The following ADGRG3 variants were observed in gnomAD, a reference collection of about 807,000 sequenced individuals.
The protein encoded by ADGRG3 is G protein-coupled receptor 97.
A neutral mutation model predicts 54.3 loss-of-function variants in ADGRG3; 39 were observed. The ratio of observed to expected loss-of-function variants is 0.72; its 90% confidence interval spans 0.56 to 0.94. ADGRG3 has a LOEUF of 0.94. Ranked by LOEUF, ADGRG3 falls within the 40% of genes least tolerant of loss-of-function variation. ADGRG3 has a pLI of 0.00. For missense variants in ADGRG3, 654 were observed against 694.6 expected (o/e 0.94, Z 0.66); for synonymous variants, 312 against 290.0 (o/e 1.08, Z -0.77).
intron 4 of ADGRG3, 121 bp from the exon 5 acceptor site, chr16:57,679,056 G>A: frequency 8.6e-7 from 1 of 1,166,572 alleles, no homozygotes; most frequent in Admixed American, 2.2e-5. Flanking sequence ...TGGTCCCCTG[G>A]TCTCGAACTC....
upstream of ADGRG3, among the ~76,000 whole-genome samples, chr16:57,666,173 C>G (rs2048053420): frequency 6.6e-6 from 1 of 152,156 alleles, no homozygotes. Context: ...AGCCCCATGG[C>G]TGGGCTAGGT....
chr16:57,674,499 C>T, intron 2 of ADGRG3: 1 of 429,116 alleles, frequency 2.3e-6, no homozygotes, highest in Non-Finnish European at 4.7e-6. Flanking sequence ...TGAGTTAAAG[C>T]CCTGCGCTCT....
At chr16:57,683,166 G>A (rs772812500) in intron 8 of ADGRG3, among the ~76,000 whole-genome samples, 3 of 152,216 alleles carry the variant, frequency 2.0e-5, no homozygotes, top group Non-Finnish European at 2.9e-5. Context: ...TGACCTCTGC[G>A]AAATGAGATC....
intron 10 of ADGRG3, 105 bp from the exon 11 acceptor site, chr16:57,685,538 T>C: frequency 9.0e-7 from 1 of 1,112,390 alleles, no homozygotes; most frequent in South Asian, 1.4e-5. Flanking sequence ...TGGGTGGAAA[T>C]GGGAGAGGCA....
At chr16:57,679,144 G>A in intron 4 of ADGRG3, 33 bp from the exon 5 acceptor site, 3 of 1,611,796 alleles carry the variant, frequency 1.9e-6, no homozygotes, top group Non-Finnish European at 1.7e-6. Context: ...GGCCCCTTCT[G>A]CAGCCTGGCC....
Position 57,682,667 on chromosome 16 carries a change from C to G in ADGRG3, c.882-1265C>G, listed in dbSNP as rs564495973. ...CCCAGATGCTCCTCCAGGAAGCCCC[C>G]GGCTCCCCTCCCTCGGCTGAGAGCC... On this transcript the variant is annotated intron_variant, in intron 8 of 11. Transcript: ENST00000333493. 3.0e-3 allele frequency: 2,950 copies of G among 981,306 alleles called. 6 individuals carry two copies. Among genetic ancestry groups the G allele is most frequent in the Non-Finnish European group, 3.4e-3 (2,841 of 826,184 alleles). 60.8% of individuals were successfully genotyped at this position (981,306 alleles called of 1,614,324 possible).
rs1221727173 is a variant in ADGRG3, at chr16:57,688,391, C to T, written c.1580C>T (p.Pro527Leu). 1.9e-6 allele frequency: 3 copies of T among 1,613,486 alleles called. No homozygotes were observed. The highest frequency in any genetic ancestry group is 2.5e-6 in the Non-Finnish European group (3 of 1,179,554). ...TGCTGGTTCACCATCCTTTACCTCC[C>T]AAGTCAGAGCACCACAGTCTCCTCC... is the stretch of plus-strand genomic sequence containing the variant. Reference protein sequence around the residue: ...ICCWFTILYLPSQSTTVSSST... With the variant: ...ICCWFTILYLLSQSTTVSSST... Residue 527 changes from proline (P) to leucine (L), a missense_variant, in exon 12 of 12, where the codon CCA (proline) becomes CTA (leucine). Transcript: ENST00000333493.
At position 57,680,565 on chromosome 16, in the gene ADGRG3, G is replaced by A. The variant is rs753549456; in HGVS notation, c.829G>A (p.Gly277Arg). Residue 277 changes from glycine (G) to arginine (R), a missense_variant, in exon 8 of 12, where the codon GGG becomes AGG. Transcript: ENST00000333493. ...ILTRISQAGC[G>R]VSMIFLAFTI... ...CACACGCATCTCCCAGGCGGGCTGT[G>A]GGGTCTCCATGATCTTCCTGGCCTT... 2 of 1,613,972 alleles carry A rather than the reference G, an allele frequency of 1.2e-6. No individual in the cohort carries two copies. Among genetic ancestry groups the A allele is most frequent in the East Asian group, 2.2e-5 (1 of 44,836 alleles).
intron 8 of ADGRG3, among the ~76,000 whole-genome samples, chr16:57,683,541 A>G (rs2048414383): frequency 6.6e-6 from 1 of 151,900 alleles, no homozygotes; most frequent in South Asian, 2.1e-4. Context: ...TCTGCTTTTC[A>G]TCTCACTTCT....
intron 9 of ADGRG3, 57 bp from the exon 10 acceptor site, chr16:57,684,333 G>A (rs892505555): frequency 3.7e-5 from 58 of 1,567,216 alleles, no homozygotes; most frequent in Middle Eastern, 1.7e-4. Flanking sequence ...GAGGGGACGT[G>A]GAGGAGGAAG....
chr16:57,678,202 G>A lies in ADGRG3; in HGVS notation c.378G>A (p.Lys126=), dbSNP rs2048298014. ...GGCAGGTGATGAAGGACGAGGACAA[G>A]CCCCCTGACAGAGTGCGACTTCCCA... is the stretch of plus-strand genomic sequence containing the variant. ...VPRQVMKDED[K]PPDRVRLPKS... Residue 126 remains lysine (K), a synonymous_variant, in exon 4 of 12, where the codon AAG becomes AAA. Transcript: ENST00000333493. 6.2e-7 allele frequency: 1 copy of A among 1,614,064 alleles called. No individual in the cohort carries two copies. Among genetic ancestry groups the A allele is most frequent in the Non-Finnish European group, 8.5e-7 (1 of 1,180,008 alleles).
intron 5 of ADGRG3, 74 bp from the exon 6 acceptor site, chr16:57,679,742 C>T: frequency 8.6e-7 from 1 of 1,164,252 alleles, no homozygotes; most frequent in South Asian, 1.2e-5. Context: ...GGGGAGCACA[C>T]CGTCCTCCCG....
Position 57,668,342 on chromosome 16 carries a change from C to A in ADGRG3, c.-6C>A. On this transcript the variant is annotated 5_prime_UTR_variant, in exon 1 of 12. Transcript: ENST00000333493. Reference sequence around the variant, plus strand: ...GAGCTCCTGGCGTGGGCAAGGCTGGCCAAGGATGGCGACGCCCAGGGGCCT... The same window carrying A: ...GAGCTCCTGGCGTGGGCAAGGCTGGACAAGGATGGCGACGCCCAGGGGCCT... 1 of 1,567,358 alleles carries A rather than the reference C, an allele frequency of 6.4e-7. No individual in the cohort carries two copies.
chr16:57,681,935 C>T (rs1172633021), intron 8 of ADGRG3, among the ~76,000 whole-genome samples: 4 of 152,150 alleles, frequency 2.6e-5, no homozygotes, highest in Non-Finnish European at 4.4e-5. Flanking sequence ...AGTTTTATCC[C>T]GTGTATACAC....
intron 1 of ADGRG3, among the ~76,000 whole-genome samples, chr16:57,672,317 G>T (rs755471097): frequency 1.3e-4 from 20 of 152,180 alleles, no homozygotes; most frequent in Non-Finnish European, 2.4e-4. Context: ...CTTGAGGACA[G>T]GAGTTCGAGA....
Position 57,678,244 on chromosome 16 carries a change from C to A in ADGRG3, c.420C>A (p.Ser140=). 1 of 1,614,154 alleles carries A rather than the reference C, an allele frequency of 6.2e-7. No homozygotes were observed. Among genetic ancestry groups the A allele is most frequent in the Non-Finnish European group, 8.5e-7 (1 of 1,179,996 alleles). Residue 140 remains serine (S), a synonymous_variant, in exon 4 of 12, where the codon TCC becomes TCA. Coordinates refer to ENST00000333493, the MANE Select transcript of ADGRG3 (RefSeq NM_170776.5). ...GACTTCCCAAGAGCCTTTTTCGATC[C>A]CTGCCAGGCAACAGGTCTGTGGTCC... is the stretch of plus-strand genomic sequence containing the variant. ...RVRLPKSLFR[S]LPGNRSVVRL...
chr16:57,674,151 G>A (rs1275032075), intron 2 of ADGRG3, among the ~76,000 whole-genome samples: 2 of 152,130 alleles, frequency 1.3e-5, no homozygotes, highest in African/African-American at 2.4e-5. Context: ...GACCGGTGAT[G>A]CAGGAAGACA....
chr16:57,689,231 T>TG lies in ADGRG3; in HGVS notation c.*774dup, dbSNP rs1196927023. 1 of 154,292 alleles carries TG rather than the reference T, an allele frequency of 6.5e-6. No individual in the cohort carries two copies. Among genetic ancestry groups the TG allele is most frequent in the Non-Finnish European group, 1.4e-5 (1 of 69,418 alleles). The allele number at this position is 154,292 out of a possible 1,614,324, so 9.6% of individuals were successfully genotyped here. A position where few individuals can be genotyped will look rare whatever the true frequency, so the allele number is the denominator to read the frequency against. On this transcript the variant is annotated 3_prime_UTR_variant, in exon 12 of 12. Transcript: ENST00000333493. ...GGGGTGCTCCCACTCATTCAGTGTG[T>TG]GGGGCCCCTGAGCAGAGGCTGGGCA...
In ADGRG3 at chr16:57,688,514, G is replaced by A. The variant is rs908086747; in HGVS notation, c.*53G>A. 12 of 1,044,078 alleles carry A rather than the reference G, an allele frequency of 1.1e-5. No homozygotes were observed. The highest frequency in any genetic ancestry group is 2.0e-4 in the Middle Eastern group (1 of 4,978). The allele number at this position is 1,044,078 out of a possible 1,614,324, so 64.7% of individuals were successfully genotyped here. The stretch of plus-strand genomic sequence containing the variant: ...AGCTCTGGCTCTCTGTGTGACCTTG[G>A]GCAGCTCCGTGCCTCTCTCTGTACT... On this transcript the variant is annotated 3_prime_UTR_variant, in exon 12 of 12. Coordinates refer to ENST00000333493, the MANE Select transcript of ADGRG3 (RefSeq NM_170776.5).
Sources: allele counts gnomAD v4.1 joint callset (sites outside exome capture counted in the v4.1 genomes callset), GRCh38; gene constraint gnomAD v4.1.1; transcripts MANE v1.5; gene names NCBI Gene and HGNC (gene_info 2026-07-23, HGNC 2026-07-21).